The following ERP44 variants were observed in gnomAD, a reference collection of about 807,000 sequenced individuals.
The protein encoded by ERP44 is endoplasmic reticulum resident protein 44.
In ERP44, 25 loss-of-function variants were observed where a neutral mutation model predicts 53.4. The ratio of observed to expected loss-of-function variants is 0.47; its 90% CI spans 0.34 to 0.65. The LOEUF (loss-of-function observed/expected upper bound fraction) is 0.65. ERP44 is among the 30% of genes least tolerant of loss of function. ERP44 has a pLI of 0.01. For synonymous variants in ERP44, 145 were observed against 161.2 expected, an observed-to-expected ratio of 0.90 and a Z score of 0.76; for missense variants, 338 against 493.2, an observed-to-expected ratio of 0.69 and a Z score of 2.98.
chr9:99,994,503 G>A (rs752069620), intron 10 of ERP44, among the ~76,000 whole-genome samples: 11 of 152,126 alleles, frequency 7.2e-5, no homozygotes, highest in Non-Finnish European at 1.5e-4. Context: ...GGCCTGGTGT[G>A]GGGTGAGGGG....
intron 8 of ERP44, among the ~76,000 whole-genome samples, chr9:100,010,292 T>TC (rs1385909465): frequency 6.6e-6 from 1 of 152,194 alleles, no homozygotes; most frequent in East Asian, 1.9e-4. Flanking sequence ...AACAGATCCT[T>TC]CCCCACAGAT....
chr9:100,060,577 A>G (rs1211601943), intron 1 of ERP44, among the ~76,000 whole-genome samples: 1 of 152,224 alleles, frequency 6.6e-6, no homozygotes, highest in East Asian at 1.9e-4. Flanking sequence ...CATGTTTCTA[A>G]GACAGAAGAA....
chr9:99,989,375 T>G (rs926809892), intron 10 of ERP44, among the ~76,000 whole-genome samples: 1 of 152,146 alleles, frequency 6.6e-6, no homozygotes, highest in African/African-American at 2.4e-5. Context: ...CCTGCAATAT[T>G]TGCTGTTGTG....
intron 1 of ERP44, among the ~76,000 whole-genome samples, chr9:100,075,974 G>C (rs546626559): frequency 1.3e-5 from 2 of 152,286 alleles, no homozygotes; most frequent in South Asian, 2.1e-4. Context: ...GTGGCAGATA[G>C]GGATGCTGTC....
At chr9:100,033,065 C>A (rs187227993) in intron 4 of ERP44, among the ~76,000 whole-genome samples, 1 of 152,292 alleles carries the variant, frequency 6.6e-6, no homozygotes, top group East Asian at 1.9e-4. Flanking sequence ...CTCCTGTGAA[C>A]AAAATTTGGA....
At chr9:99,986,636 C>T (rs1021146471) in intron 10 of ERP44, among the ~76,000 whole-genome samples, 22 of 151,936 alleles carry the variant, frequency 1.4e-4, no homozygotes, top group African/African-American at 3.9e-4. Flanking sequence ...CTGTTTCTTC[C>T]CTTCAATAAC....
chr9:100,047,827 C>CAT (rs989729818), intron 4 of ERP44, among the ~76,000 whole-genome samples: 1 of 152,022 alleles, frequency 6.6e-6, no homozygotes, highest in East Asian at 1.9e-4. Context: ...ATTTGCAAAT[C>CAT]ATATATATGA....
At chr9:100,003,178 T>C (rs1305116215) in intron 10 of ERP44, among the ~76,000 whole-genome samples, 2 of 152,236 alleles carry the variant, frequency 1.3e-5, no homozygotes, top group East Asian at 3.8e-4. Context: ...AACTTCTCAT[T>C]TTGGTAACTT....
intron 8 of ERP44, among the ~76,000 whole-genome samples, chr9:100,016,016 G>T (rs1353850822): frequency 1.3e-5 from 2 of 152,094 alleles, no homozygotes; most frequent in Non-Finnish European, 1.5e-5. Flanking sequence ...TTGTTCTAAA[G>T]GACATCCACC....
In ERP44 at chr9:100,018,411, T is replaced by C. The variant is rs186377166; in HGVS notation, c.588-98A>G. ...ATATACTTATCCATCATCTTCCCTA[T>C]TACAAGACTATGCAATACCAAGAAA... is the stretch of plus-strand genomic sequence containing the variant. On this transcript the variant is annotated intron_variant, in intron 6 of 11. Transcript: ENST00000262455. 3,100 of 772,474 alleles carry C rather than the reference T, an allele frequency of 4.0e-3. 12 individuals are homozygous for C. The highest frequency in any genetic ancestry group is 0.011 in the South Asian group (755 of 71,784). 47.9% of individuals were successfully genotyped at this position (772,474 alleles called of 1,614,324 possible).
At chr9:100,094,678 A>T (rs1020325598) in intron 1 of ERP44, among the ~76,000 whole-genome samples, 8 of 151,908 alleles carry the variant, frequency 5.3e-5, no homozygotes, top group Non-Finnish European at 8.8e-5. Context: ...TTAAAAAAAA[A>T]TTTTCCTAGG....
At chr9:100,067,634 G>C (rs960432867) in intron 1 of ERP44, among the ~76,000 whole-genome samples, 2 of 152,064 alleles carry the variant, frequency 1.3e-5, no homozygotes, top group Non-Finnish European at 2.9e-5. Flanking sequence ...AGTGAGGAGC[G>C]TCTCTGCCTG....
At chr9:100,068,316 C>G (rs1378065128) in intron 1 of ERP44, among the ~76,000 whole-genome samples, 1 of 140,348 alleles carries the variant, frequency 7.1e-6, no homozygotes, top group Non-Finnish European at 1.5e-5. Context: ...CCAGCTGCCC[C>G]GTCCGGGAGG....
intron 3 of ERP44, 107 bp downstream of exon 3, chr9:100,057,713 A>C: frequency 1.3e-6 from 1 of 786,898 alleles, no homozygotes; most frequent in Non-Finnish European, 2.2e-6. Flanking sequence ...TTATGTATGG[A>C]ATACTGTCTT....
chr9:100,059,709 A>T (rs529198318), intron 2 of ERP44, among the ~76,000 whole-genome samples: 41 of 152,240 alleles, frequency 2.7e-4, no homozygotes, highest in African/African-American at 9.4e-4. Flanking sequence ...AATAAAAAAT[A>T]AAAAAAGTAC....
intron 10 of ERP44, among the ~76,000 whole-genome samples, chr9:99,993,653 T>C (rs892899919): frequency 3.3e-5 from 5 of 152,092 alleles, no homozygotes; most frequent in Admixed American, 3.3e-4. Context: ...AAAGCCAAAA[T>C]TGACAAATGG....
intron 4 of ERP44, among the ~76,000 whole-genome samples, chr9:100,041,526 G>C (rs558232927): frequency 6.5e-4 from 99 of 152,158 alleles, no homozygotes; most frequent in African/African-American, 2.2e-3. Flanking sequence ...TAATTAGTTG[G>C]GTATGGTGGC....
intron 10 of ERP44, among the ~76,000 whole-genome samples, chr9:99,992,195 C>A (rs569894073): frequency 2.6e-4 from 40 of 152,286 alleles, no homozygotes; most frequent in African/African-American, 8.4e-4. Context: ...GATACCAAAG[C>A]CTGGCAGAGA....
rs1002956110 is a variant in ERP44 at position 100,034,889 on chromosome 9, G to A, written c.287-12663C>T. On this transcript the variant is annotated intron_variant, in intron 4 of 11. Coordinates refer to ENST00000262455, the MANE Select transcript of ERP44 (RefSeq NM_015051.3). ...TACAAAAACAGACACATAGAATAAA[G>A]GAACAGAATAGAGAACTCAGAAATA... Among the ~76,000 whole-genome samples the A allele has an allele frequency of 3.3e-5, 5 of 151,962 alleles. No homozygotes were observed. In the South Asian group the frequency reaches 1.0e-3, roughly 32 times the overall value.
Sources: allele counts gnomAD v4.1 joint callset (sites outside exome capture counted in the v4.1 genomes callset), GRCh38; gene constraint gnomAD v4.1.1; transcripts MANE v1.5; gene names NCBI Gene and HGNC (gene_info 2026-07-23, HGNC 2026-07-21).